ZNF536: variants seen among roughly 807,000 people sequenced by gnomAD.
The protein encoded by ZNF536 is zinc finger protein 536.
ZNF536 carries 13 observed loss-of-function variants against 84.5 expected under a neutral mutation model. The observed-to-expected ratio is 0.15, with a 90% confidence interval of 0.10 to 0.24. ZNF536 has a LOEUF of 0.24. Among genes scored for constraint, ZNF536 ranks in the 10% least tolerant of loss-of-function variants. The pLI is 1.00. For synonymous variants in ZNF536, 811 were observed against 742.5 expected (o/e 1.09, Z -1.50); for missense variants, 1,536 against 1,747.5 (o/e 0.88, Z 2.16).
At chr19:30,410,938 C>G (rs1205853357) in intron 1 of ZNF536, among the ~76,000 whole-genome samples, 1 of 152,186 alleles carries the variant, frequency 6.6e-6, no homozygotes, top group East Asian at 1.9e-4. Flanking sequence ...ACCGTATACA[C>G]ATTGCTTTGA....
chr19:30,590,437 A>G (rs1169319051), intron 1 of ZNF536, among the ~76,000 whole-genome samples: 97 of 152,146 alleles, frequency 6.4e-4, no homozygotes, highest in Admixed American at 6.2e-3. Flanking sequence ...GTGGCTTCCA[A>G]TGCCTTTCAG....
At chr19:30,386,044 T>A (rs981953639) in intron 1 of ZNF536, among the ~76,000 whole-genome samples, 1 of 152,206 alleles carries the variant, frequency 6.6e-6, no homozygotes, top group Non-Finnish European at 1.5e-5. Flanking sequence ...AACATTCTGA[T>A]GTCAGCTGGT....
intron 1 of ZNF536, among the ~76,000 whole-genome samples, chr19:30,430,531 C>T (rs187451816): frequency 4.6e-5 from 7 of 152,242 alleles, no homozygotes; most frequent in African/African-American, 1.4e-4. Context: ...GGCTCTGGAC[C>T]GGGACCTGAC....
intron 1 of ZNF536, among the ~76,000 whole-genome samples, chr19:30,415,656 G>A (rs1194171448): frequency 6.6e-6 from 1 of 151,970 alleles, no homozygotes; most frequent in African/African-American, 2.4e-5. Flanking sequence ...TGTAGCCCGG[G>A]CTGGAGTGCA....
At chr19:30,642,047 A>T (rs1048756073) in intron 1 of ZNF536, among the ~76,000 whole-genome samples, 1 of 152,206 alleles carries the variant, frequency 6.6e-6, no homozygotes, top group Admixed American at 6.5e-5. Flanking sequence ...TCCCTCTGCA[A>T]TGGCTGTGTT....
intron 1 of ZNF536, among the ~76,000 whole-genome samples, chr19:30,647,398 T>C (rs900805906): frequency 1.3e-5 from 2 of 152,176 alleles, no homozygotes. Context: ...CGTTCCCCTG[T>C]TTCCTTGCCT....
intron 2 of ZNF536, among the ~76,000 whole-genome samples, chr19:30,454,963 G>C (rs1159600444): frequency 6.6e-6 from 1 of 152,190 alleles, no homozygotes; most frequent in Non-Finnish European, 1.5e-5. Flanking sequence ...AATCCGGGAG[G>C]AGGAGGTTGC....
intron 1 of ZNF536, among the ~76,000 whole-genome samples, chr19:30,273,485 C>T (rs1318210854): frequency 1.3e-5 from 2 of 152,192 alleles, no homozygotes; most frequent in Admixed American, 6.5e-5. Context: ...TCCCTGGTGA[C>T]ATAGGATGTT....
chr19:30,261,697 C>CAAAAAAAA (rs56820609), intron 1 of ZNF536, among the ~76,000 whole-genome samples: 1 of 99,916 alleles, frequency 1.0e-5, no homozygotes, highest in African/African-American at 3.6e-5. Flanking sequence ...GGACCTTGTC[C>CAAAAAAAA]AAAAAAAAAA....
chr19:30,384,108 CTTTCTT>C (rs1568377916), intron 1 of ZNF536, among the ~76,000 whole-genome samples: 1 of 49,254 alleles, frequency 2.0e-5, no homozygotes, highest in Non-Finnish European at 4.0e-5. Context: ...CTCTTTCTTT[CTTTCTT>C]TCTTTCTTTC....
intron 3 of ZNF536, among the ~76,000 whole-genome samples, chr19:30,541,142 T>C (rs1599741597): frequency 6.6e-6 from 1 of 152,194 alleles, no homozygotes; most frequent in Non-Finnish European, 1.5e-5. Flanking sequence ...CAGTGGCTGG[T>C]ACATAAACAT....
chr19:30,265,801 CTTTTCTTCAGAGCTCCTAGA>C (rs978938032), intron 1 of ZNF536, among the ~76,000 whole-genome samples: 14 of 152,232 alleles, frequency 9.2e-5, no homozygotes, highest in Admixed American at 6.5e-4. Flanking sequence ...AGTGGGCACT[CTTTTCTTCAGAGCTCCTAGA>C]TTTTCTTCCT....
intron 1 of ZNF536, among the ~76,000 whole-genome samples, chr19:30,616,068 C>T (rs927764081): frequency 1.3e-5 from 2 of 152,168 alleles, no homozygotes; most frequent in African/African-American, 4.8e-5. Flanking sequence ...TTGTTTTTAA[C>T]ATCTTTTTTC....
At chr19:30,245,539 G>A (rs551992670) in intron 1 of ZNF536, among the ~76,000 whole-genome samples, 33 of 152,326 alleles carry the variant, frequency 2.2e-4, no homozygotes, top group African/African-American at 7.5e-4. Flanking sequence ...ACAATGACAT[G>A]TCATGAAACA....
chr19:30,466,740 GGAAGGAAGAAAGGAGGGAAGGAAGGAA>G (rs2053422120), intron 2 of ZNF536, among the ~76,000 whole-genome samples: 1 of 74,750 alleles, frequency 1.3e-5, no homozygotes, highest in Non-Finnish European at 2.5e-5. Flanking sequence ...AGGGAGGGAG[GGAAGGAAGAAAGGAGGGAAGGAAGGAA>G]GGAAGGAAGG....
chr19:30,593,780 G>A (rs1464951223), intron 1 of ZNF536, among the ~76,000 whole-genome samples: 1 of 152,216 alleles, frequency 6.6e-6, no homozygotes, highest in African/African-American at 2.4e-5. Flanking sequence ...GACCTCCAAG[G>A]TATCAAGGCT....
chr19:30,487,259 A>C (rs1303267783), intron 2 of ZNF536, among the ~76,000 whole-genome samples: 1 of 152,238 alleles, frequency 6.6e-6, no homozygotes, highest in Non-Finnish European at 1.5e-5. Context: ...TTAAAATGCC[A>C]AAAATTAAAA....
chr19:30,679,517 C>A (rs2050884487), intron 1 of ZNF536, among the ~76,000 whole-genome samples: 1 of 152,202 alleles, frequency 6.6e-6, no homozygotes, highest in South Asian at 2.1e-4. Context: ...GGGCTCTGTG[C>A]AGCTGTCCCC....
chr19:30,669,475 G>T (rs2050460147), intron 1 of ZNF536, among the ~76,000 whole-genome samples: 1 of 152,184 alleles, frequency 6.6e-6, no homozygotes, highest in Non-Finnish European at 1.5e-5. Flanking sequence ...AAGAAAGAAG[G>T]GACAGGCTCC....
Sources: gnomAD v4.1 joint callset for allele counts (sites outside exome capture counted in the v4.1 genomes callset) on GRCh38, gnomAD v4.1.1 for gene constraint, MANE v1.5 for transcripts, NCBI Gene and HGNC (gene_info 2026-07-23, HGNC 2026-07-21) for gene names.